The following PCDHA3 variants were observed in gnomAD, a reference collection of about 807,000 sequenced individuals.
The protein encoded by PCDHA3 is protocadherin alpha-3.
In PCDHA3, 41 loss-of-function variants were observed where a neutral mutation model predicts 62.2. That is an observed-to-expected ratio of 0.66 (90% CI 0.51 to 0.86). The LOEUF (loss-of-function observed/expected upper bound fraction) is 0.86. Among genes scored for constraint, PCDHA3 ranks in the 40% least tolerant of loss-of-function variants. PCDHA3 has a pLI of 0.00. For synonymous variants in PCDHA3, 640 were observed against 555.4 expected, an observed-to-expected ratio of 1.15 and a Z score of -2.14; for missense variants, 1,304 against 1,241.2, an observed-to-expected ratio of 1.05 and a Z score of -0.76.
chr5:140,876,919 GA>G, intron 1 of PCDHA3: 2 of 1,613,952 alleles, frequency 1.2e-6, no homozygotes, highest in Non-Finnish European at 1.7e-6. Context: ...ATGGGACGCG[GA>G]CGCGCAGAAG....
chr5:140,967,888 G>A, intron 1 of PCDHA3: 1 of 1,614,138 alleles, frequency 6.2e-7, no homozygotes, highest in South Asian at 1.1e-5. Context: ...ATAGCCCAGT[G>A]CCTGAGAATG....
intron 1 of PCDHA3, among the ~76,000 whole-genome samples, chr5:140,951,285 A>T (rs1267785922): frequency 6.6e-6 from 1 of 152,100 alleles, no homozygotes; most frequent in East Asian, 1.9e-4. Context: ...GTAATTTTGG[A>T]TTATATCTTG....
intron 1 of PCDHA3, among the ~76,000 whole-genome samples, chr5:140,912,160 C>T (rs1208125180): frequency 6.6e-6 from 1 of 152,134 alleles, no homozygotes. Context: ...TGTTTTTATT[C>T]TGGCTGTGCT....
rs1234661148 is a variant in PCDHA3, at chr5:141,010,706, T to C, written c.*769T>C. 2 of 155,338 alleles carry C rather than the reference T, an allele frequency of 1.3e-5. No individual in the cohort carries two copies. Among genetic ancestry groups the C allele is most frequent in the African/African-American group, 4.8e-5 (2 of 41,492 alleles). The allele number at this position is 155,338 out of a possible 1,614,324, so 9.6% of individuals were successfully genotyped here. A position where few individuals can be genotyped will look rare whatever the true frequency, so the allele number is the denominator to read the frequency against. The stretch of plus-strand genomic sequence containing the variant: ...AGATCTGATGTGTTTCCTATACATG[T>C]CCTGTGCTCACTTTATTAAAAATTC... On this transcript the variant is annotated 3_prime_UTR_variant, in exon 4 of 4. Transcript: ENST00000522353.
chr5:140,966,613 A>T, intron 1 of PCDHA3: 1 of 756,596 alleles, frequency 1.3e-6, no homozygotes, highest in Non-Finnish European at 1.9e-6. Flanking sequence ...GGGAGGGCCT[A>T]CGGAGGGAGC....
intron 1 of PCDHA3, among the ~76,000 whole-genome samples, chr5:140,939,802 A>C (rs1347672258): frequency 6.6e-6 from 1 of 152,220 alleles, no homozygotes; most frequent in Admixed American, 6.5e-5. Context: ...AATGTTCTGC[A>C]TGTTCAAGAA....
chr5:140,830,290 G>C lies in PCDHA3; in HGVS notation c.2394+26699G>C, dbSNP rs2150184535. On this transcript the variant is annotated intron_variant, in intron 1 of 3. Transcript: ENST00000522353. Reference sequence around the variant, plus strand: ...CGCCACCCACCGAGGGCGCGTGCACGGCGGACAAGCCCACGCTGGTGTGCT... The same window carrying C: ...CGCCACCCACCGAGGGCGCGTGCACCGCGGACAAGCCCACGCTGGTGTGCT... 10 of 1,613,848 alleles carry C rather than the reference G, an allele frequency of 6.2e-6. No homozygotes were observed. In the African/African-American group the frequency reaches 9.3e-5, roughly 15 times the overall value.
chr5:140,908,547 A>G (rs2074022083), intron 1 of PCDHA3, among the ~76,000 whole-genome samples: 1 of 152,152 alleles, frequency 6.6e-6, no homozygotes, highest in Non-Finnish European at 1.5e-5. Context: ...AAAGCCCAGT[A>G]ATAGGCCAAG....
At chr5:141,003,609 G>A (rs2098131688) in intron 3 of PCDHA3, among the ~76,000 whole-genome samples, 1 of 151,970 alleles carries the variant, frequency 6.6e-6, no homozygotes, top group Non-Finnish European at 1.5e-5. Context: ...CACCATTCCC[G>A]GCCCCAGAGG....
chr5:140,854,084 C>G (rs2150307258), intron 1 of PCDHA3: 2 of 266,726 alleles, frequency 7.5e-6, no homozygotes, highest in East Asian at 3.6e-4. Context: ...ATCGCTTGAG[C>G]CTGGGACATT....
chr5:140,868,810 G>A lies in PCDHA3; in HGVS notation c.2394+65219G>A, dbSNP rs944762063. On this transcript the variant is annotated intron_variant, in intron 1 of 3. Transcript: ENST00000522353. Reference sequence around the variant, plus strand: ...GAATATTCCATAAATAAGCACGTTGGAAATATTTGGGGGAAGAAACCCAAA... The same window carrying A: ...GAATATTCCATAAATAAGCACGTTGAAAATATTTGGGGGAAGAAACCCAAA... 1.0e-4 allele frequency: 38 copies of A among 369,934 alleles called. No homozygotes were observed. The Admixed American group carries it at 1.3e-3, about 12-fold the overall frequency. The allele number at this position is 369,934 out of a possible 1,614,324, so 22.9% of individuals were successfully genotyped here.
At position 140,876,596 on chromosome 5, in the gene PCDHA3, C is replaced by G. The variant is rs1361945795; in HGVS notation, c.2394+73005C>G. ...ACCGTCATTGCCCTGATTAGCGTGT[C>G]GGATCGTGACTCTGGAGCCAATGGA... On this transcript the variant is annotated intron_variant, in intron 1 of 3. Transcript: ENST00000522353. The G allele has an allele frequency of 3.1e-6, 5 of 1,614,040 alleles. No individual in the cohort carries two copies. In the East Asian group the frequency reaches 8.9e-5, roughly 29 times the overall value.
chr5:140,935,734 C>G (rs1290620794), intron 1 of PCDHA3, among the ~76,000 whole-genome samples: 1 of 152,032 alleles, frequency 6.6e-6, no homozygotes, highest in East Asian at 1.9e-4. Flanking sequence ...AGTCTAGTAT[C>G]TATTATTCCA....
Position 140,802,381 on chromosome 5 carries a change from T to G in PCDHA3, c.1184T>G (p.Phe395Cys). 1 of 1,614,240 alleles carries G rather than the reference T, an allele frequency of 6.2e-7. No individual in the cohort carries two copies. Among genetic ancestry groups the G allele is most frequent in the Non-Finnish European group, 8.5e-7 (1 of 1,180,036 alleles). Residue 395 changes from phenylalanine to cysteine, a missense_variant, in exon 1 of 4, where the codon TTC becomes TGC. Transcript: ENST00000522353. ...VTCSLTPHVPFKLVSTFKNYY... is the reference protein window; with the variant it reads ...VTCSLTPHVPCKLVSTFKNYY... ...TGCTCGCTGACGCCCCACGTCCCCT[T>G]CAAGCTGGTGTCCACCTTCAAGAAT...
At position 140,870,131 on chromosome 5, in the gene PCDHA3, A is replaced by G. The variant is rs782486118; in HGVS notation, c.2394+66540A>G. The G allele has an allele frequency of 2.6e-5, 42 of 1,613,870 alleles. No individual in the cohort carries two copies. In the Admixed American group the frequency reaches 4.2e-4, roughly 16 times the overall value. On this transcript the variant is annotated intron_variant, in intron 1 of 3. Coordinates refer to ENST00000522353, the MANE Select transcript of PCDHA3 (RefSeq NM_018906.3). Reference sequence around the variant, plus strand: ...GTCTGGGTGGAAATCTTGGACACCAACGATAACTCTCCTGAAGTCGCCGTG... The same window carrying G: ...GTCTGGGTGGAAATCTTGGACACCAGCGATAACTCTCCTGAAGTCGCCGTG...
rs529738408 is a variant in PCDHA3 at position 140,807,767 on chromosome 5, C to A, written c.2394+4176C>A. The A allele has an allele frequency of 2.4e-5, 38 of 1,614,130 alleles. No individual in the cohort carries two copies. The South Asian group carries it at 3.8e-4, about 16-fold the overall frequency. ...TGACGAGCTGGTAAAAGGTCTTGGG[C>A]TTATATTACGGAAATCTTTAGACAG... On this transcript the variant is annotated intron_variant, in intron 1 of 3. Transcript: ENST00000522353.
intron 1 of PCDHA3, chr5:140,856,300 T>C (rs1251498133): frequency 1.3e-6 from 2 of 1,598,422 alleles, no homozygotes; most frequent in African/African-American, 2.7e-5. Context: ...GCATTTTGTT[T>C]GTGAATTCTC....
intron 1 of PCDHA3, chr5:140,877,906 A>G: frequency 2.1e-6 from 3 of 1,435,008 alleles, no homozygotes; most frequent in Non-Finnish European, 1.8e-6. Flanking sequence ...TTATAACTAC[A>G]TTCTCTCATT....
chr5:140,883,162 C>T, intron 1 of PCDHA3: 2 of 1,613,808 alleles, frequency 1.2e-6, no homozygotes, highest in Non-Finnish European at 1.7e-6. Flanking sequence ...TAAATCCGAA[C>T]AATGGAGAAA....
Sources: allele counts gnomAD v4.1 joint callset (sites outside exome capture counted in the v4.1 genomes callset), GRCh38; gene constraint gnomAD v4.1.1; transcripts MANE v1.5; gene names NCBI Gene and HGNC (gene_info 2026-07-23, HGNC 2026-07-21).